DLG2: variants seen among roughly 807,000 people sequenced by gnomAD.
DLG2 encodes discs large MAGUK scaffold protein 2.
A neutral mutation model predicts 132.5 loss-of-function variants in DLG2; 45 were observed. That is an observed-to-expected ratio of 0.34 (90% CI 0.27 to 0.44). The LOEUF (loss-of-function observed/expected upper bound fraction) is 0.44. Ranked by LOEUF, DLG2 falls within the 20% of genes least tolerant of loss-of-function variation. The pLI is 1.00. For missense variants in DLG2, 1,045 were observed against 1,196.9 expected (o/e 0.87, Z 1.87); for synonymous variants, 424 against 419.6 (o/e 1.01, Z -0.13).
intron 18 of DLG2, among the ~76,000 whole-genome samples, chr11:83,662,744 C>T (rs945763141): frequency 3.9e-5 from 6 of 152,210 alleles, no homozygotes; most frequent in Middle Eastern, 3.4e-3. Context: ...TCAGGAAGCC[C>T]GAGAACTATA....
chr11:85,510,616 G>C (rs914567372), intron 3 of DLG2, among the ~76,000 whole-genome samples: 203 of 152,060 alleles, frequency 1.3e-3, no homozygotes, highest in Non-Finnish European at 2.0e-3. Context: ...AAAAACACAT[G>C]AAAAATGCTC....
At position 84,858,409 on chromosome 11, in the gene DLG2, A is replaced by G. The variant is rs193029272; in HGVS notation, c.357+253252T>C. On this transcript the variant is annotated intron_variant, in intron 6 of 27. Transcript: ENST00000376104. ...GAGTGGAAATCTGGGAAGATGGTAG[A>G]GTGAGATTTTCTTTCAAACAATGGC... 3.3e-5 allele frequency among the ~76,000 whole-genome samples: 5 copies of G among 152,176 alleles called. No homozygotes were observed. The East Asian group carries it at 9.7e-4, about 29-fold the overall frequency.
At chr11:85,148,708 G>T (rs1280673705) in intron 5 of DLG2, among the ~76,000 whole-genome samples, 3 of 152,068 alleles carry the variant, frequency 2.0e-5, no homozygotes, top group Admixed American at 2.0e-4. Context: ...TTGCCTGTTT[G>T]CTTTGATGAT....
chr11:84,010,700 T>C (rs557079961), intron 11 of DLG2, among the ~76,000 whole-genome samples: 59 of 152,212 alleles, frequency 3.9e-4, no homozygotes, highest in African/African-American at 1.3e-3. Flanking sequence ...AACATAATTA[T>C]TAAAAGGAAT....
chr11:84,477,899 T>G (rs1230569618), intron 7 of DLG2, among the ~76,000 whole-genome samples: 1 of 152,196 alleles, frequency 6.6e-6, no homozygotes, highest in African/African-American at 2.4e-5. Flanking sequence ...AAAATATATT[T>G]TATCATGTTT....
chr11:84,534,675 G>A lies in DLG2; in HGVS notation c.414C>T (p.Thr138=), dbSNP rs1039705019. ...CGAGTTCTGGGCCTCTTACTTCGTGGGTTAGTCGAGGTAAGGAATGATCAT... is the reference window on the plus strand; with the variant it reads ...CGAGTTCTGGGCCTCTTACTTCGTGAGTTAGTCGAGGTAAGGAATGATCAT... The part of the protein sequence containing the change: ...APHDHSLPRL[T]HEVRGPELVH... The change falls in exon 7 of 28, where the codon ACC becomes ACT. Residue 138 remains threonine (T), a synonymous_variant. Coordinates refer to ENST00000376104, the MANE Select transcript of DLG2 (RefSeq NM_001142699.3). 1.2e-6 allele frequency: 2 copies of A among 1,613,738 alleles called. No individual in the cohort carries two copies. Among genetic ancestry groups the A allele is most frequent in the African/African-American group, 1.3e-5 (1 of 74,840 alleles).
At chr11:84,468,212 G>A (rs1454049701) in intron 7 of DLG2, among the ~76,000 whole-genome samples, 1 of 151,434 alleles carries the variant, frequency 6.6e-6, no homozygotes, top group Non-Finnish European at 1.5e-5. Flanking sequence ...GAGGAGATTG[G>A]GTATGCCTTA....
intron 8 of DLG2, among the ~76,000 whole-genome samples, chr11:84,234,434 G>A (rs553116466): frequency 6.6e-6 from 1 of 152,300 alleles, no homozygotes; most frequent in East Asian, 1.9e-4. Context: ...ATTCACCACT[G>A]CTAACGAAAG....
At chr11:85,526,766 T>C (rs751593277) in intron 3 of DLG2, among the ~76,000 whole-genome samples, 1 of 152,170 alleles carries the variant, frequency 6.6e-6, no homozygotes, top group Non-Finnish European at 1.5e-5. Context: ...ATCACCTTCC[T>C]TCTCTAATGA....
chr11:84,480,136 A>G (rs991368112), intron 7 of DLG2, among the ~76,000 whole-genome samples: 2 of 152,318 alleles, frequency 1.3e-5, no homozygotes, highest in South Asian at 2.1e-4. Flanking sequence ...GGCCTTCATT[A>G]CACTCCTTAG....
At chr11:84,893,246 G>A (rs1474481628) in intron 6 of DLG2, among the ~76,000 whole-genome samples, 1 of 152,138 alleles carries the variant, frequency 6.6e-6, no homozygotes, top group Admixed American at 6.5e-5. Context: ...CCCATCTGGT[G>A]CCTAAGCACC....
intron 7 of DLG2, among the ~76,000 whole-genome samples, chr11:84,357,407 G>A (rs1032115038): frequency 6.6e-6 from 1 of 151,962 alleles, no homozygotes; most frequent in Non-Finnish European, 1.5e-5. Flanking sequence ...CAGGAACCTC[G>A]CTGACCAGGT....
intron 15 of DLG2, among the ~76,000 whole-genome samples, chr11:83,898,720 T>C (rs1232470162): frequency 6.6e-6 from 1 of 152,210 alleles, no homozygotes; most frequent in African/African-American, 2.4e-5. Context: ...TACATAGTTG[T>C]AACACAAGGT....
intron 7 of DLG2, among the ~76,000 whole-genome samples, chr11:84,456,007 A>C (rs886958149): frequency 6.6e-6 from 1 of 151,284 alleles, no homozygotes; most frequent in Non-Finnish European, 1.5e-5. Flanking sequence ...CATCCATGAA[A>C]ATGAGCATAA....
intron 7 of DLG2, among the ~76,000 whole-genome samples, chr11:84,372,461 G>T (rs969664450): frequency 6.6e-6 from 1 of 152,158 alleles, no homozygotes; most frequent in Non-Finnish European, 1.5e-5. Context: ...TTAGCTTTCA[G>T]TGTCTTTGCC....
At chr11:85,040,154 C>T (rs2061736376) in intron 6 of DLG2, among the ~76,000 whole-genome samples, 1 of 151,794 alleles carries the variant, frequency 6.6e-6, no homozygotes, top group Admixed American at 6.6e-5. Context: ...ATTCTCAAAC[C>T]CTGGGTTGCA....
chr11:83,774,767 A>G (rs945018065), intron 18 of DLG2, among the ~76,000 whole-genome samples: 12 of 152,152 alleles, frequency 7.9e-5, no homozygotes, highest in African/African-American at 2.9e-4. Context: ...TCATTTACGC[A>G]TGGCCTACTC....
At chr11:85,510,408 G>A (rs972096724) in intron 3 of DLG2, among the ~76,000 whole-genome samples, 1 of 151,994 alleles carries the variant, frequency 6.6e-6, no homozygotes, top group Non-Finnish European at 1.5e-5. Flanking sequence ...CACAGCAAAA[G>A]AAACTACCAT....
chr11:85,616,892 A>G (rs912871087), intron 2 of DLG2, among the ~76,000 whole-genome samples: 10 of 152,184 alleles, frequency 6.6e-5, no homozygotes, highest in African/African-American at 7.2e-5. Context: ...GACATATCAA[A>G]TATCTGTCAA....
Sources: gnomAD v4.1 joint callset for allele counts (sites outside exome capture counted in the v4.1 genomes callset) on GRCh38, gnomAD v4.1.1 for gene constraint, MANE v1.5 for transcripts, NCBI Gene and HGNC (gene_info 2026-07-23, HGNC 2026-07-21) for gene names.